ERAP1: variants seen among roughly 807,000 people sequenced by gnomAD.
The protein encoded by ERAP1 is adipocyte-derived leucine aminopeptidase.
A neutral mutation model predicts 103.7 loss-of-function variants in ERAP1; 86 were observed. The ratio of observed to expected loss-of-function variants is 0.83; its 90% CI spans 0.70 to 0.99. ERAP1 has a LOEUF of 0.99. Ranked by LOEUF, ERAP1 falls within the 50% of genes least tolerant of loss-of-function variation. The pLI, the probability that ERAP1 is intolerant of heterozygous loss-of-function variation, is 0.00. For missense variants in ERAP1, 1,009 were observed against 1,128.4 expected, an observed-to-expected ratio of 0.89 and a Z score of 1.52; for synonymous variants, 398 against 402.4, an observed-to-expected ratio of 0.99 and a Z score of 0.13.
chr5:96,907,342 C>A, the ERAP1 span, among the ~76,000 whole-genome samples: 2 of 151,918 alleles, frequency 1.3e-5, no homozygotes, highest in Non-Finnish European at 2.9e-5. Flanking sequence ...AAGAAATAGG[C>A]AACTATAAAA....
chr5:96,786,050 G>A, intron 12 of ERAP1, 79 bp from the exon 13 acceptor site: 1 of 1,369,074 alleles, frequency 7.3e-7, no homozygotes, highest in Non-Finnish European at 1.0e-6. Context: ...ATTGGGCAAG[G>A]AAATTAGAGA....
the ERAP1 span, among the ~76,000 whole-genome samples, chr5:96,931,822 TAG>T: frequency 6.6e-6 from 1 of 152,318 alleles, no homozygotes; most frequent in South Asian, 2.1e-4. Flanking sequence ...ATTGCTCATA[TAG>T]AGGACTGAAG....
the ERAP1 span, among the ~76,000 whole-genome samples, chr5:96,838,700 C>T: frequency 1.3e-5 from 2 of 152,132 alleles, no homozygotes; most frequent in Non-Finnish European, 2.9e-5. Flanking sequence ...CAGCTTAACA[C>T]CATGCAAGAA....
At chr5:96,788,797 T>G in intron 10 of ERAP1, 112 bp from the exon 11 acceptor site, 8 of 1,293,770 alleles carry the variant, frequency 6.2e-6, no homozygotes, top group Non-Finnish European at 8.7e-6. Flanking sequence ...CCTCCCCTCT[T>G]AGGAGCACTT....
chr5:96,890,920 T>C, the ERAP1 span, among the ~76,000 whole-genome samples: 2 of 152,102 alleles, frequency 1.3e-5, no homozygotes, highest in African/African-American at 4.8e-5. Flanking sequence ...AAAAATGCAG[T>C]CTTAAAGAGC....
the ERAP1 span, among the ~76,000 whole-genome samples, chr5:96,922,617 T>C: frequency 6.6e-6 from 1 of 152,166 alleles, no homozygotes; most frequent in Non-Finnish European, 1.5e-5. Flanking sequence ...AAAAGAAAGA[T>C]CTGGTTTGAA....
chr5:96,795,161 A>G lies in ERAP1; in HGVS notation c.800T>C (p.Val267Ala). ...CTTGTCTGGCACAGCATAAACAGAA[A>G]CCTAAAGAGAAAGGCACAGAAAGGA... ...VSKITKSGVK[V>A]SVYAVPDKIN... Residue 267 changes from valine to alanine, a missense_variant and splice_region_variant, in exon 5 of 19, where the codon GTT (valine) becomes GCT (alanine). This residue lies in a region of ERAP1 where 392 missense variants were observed against 455.2 expected (regional missense o/e 0.86). Transcript: ENST00000443439. 1.2e-6 allele frequency: 2 copies of G among 1,613,502 alleles called. No individual in the cohort carries two copies. Among genetic ancestry groups the G allele is most frequent in the South Asian group, 2.2e-5 (2 of 91,074 alleles).
At chr5:96,780,625 TATG>T in intron 17 of ERAP1, 121 bp from the exon 18 acceptor site, 2 of 773,168 alleles carry the variant, frequency 2.6e-6, no homozygotes, top group East Asian at 2.7e-5. Flanking sequence ...AAATACAAAA[TATG>T]ATGTCTATCC....
rs765772798 is a variant in ERAP1 at position 96,785,977 on chromosome 5, G to C, written c.1760-6C>G. 4.8e-5 allele frequency: 77 copies of C among 1,613,564 alleles called. No individual in the cohort carries two copies. In the East Asian group the frequency reaches 1.4e-3, roughly 28 times the overall value. On this transcript the variant is annotated splice_region_variant and splice_polypyrimidine_tract_variant and intron_variant, in intron 12 of 18. Transcript: ENST00000443439. The stretch of plus-strand genomic sequence containing the variant: ...TTCTGGGAGGATGAGCACATCTAGA[G>C]TAAATAAAATAAATCAAAGTTCCAT...
At chr5:96,788,950 T>C (rs1208475023) in intron 10 of ERAP1, among the ~76,000 whole-genome samples, 1 of 152,136 alleles carries the variant, frequency 6.6e-6, no homozygotes, top group African/African-American at 2.4e-5. Flanking sequence ...ACTTTGGGGC[T>C]GGCAATAACA....
intron 4 of ERAP1, among the ~76,000 whole-genome samples, 196 bp from the exon 5 acceptor site, chr5:96,795,358 G>A (rs1289395712): frequency 6.6e-6 from 1 of 152,156 alleles, no homozygotes; most frequent in Non-Finnish European, 1.5e-5. Context: ...AACAACAAAT[G>A]CTGGATAACA....
chr5:96,806,915 A>T (rs929114637), intron 1 of ERAP1, among the ~76,000 whole-genome samples: 1 of 150,206 alleles, frequency 6.7e-6, no homozygotes, highest in Non-Finnish European at 1.5e-5. Context: ...TACTTATACT[A>T]ATTAAAAATC....
chr5:96,765,117 C>A, intron 19 of ERAP1: 1 of 709,138 alleles, frequency 1.4e-6, no homozygotes, highest in Non-Finnish European at 2.5e-6. Flanking sequence ...TCTTTTTCTT[C>A]CAAGGAAACA....
chr5:96,813,575 C>T, the ERAP1 span, among the ~76,000 whole-genome samples: 1 of 142,426 alleles, frequency 7.0e-6, no homozygotes, highest in Non-Finnish European at 1.5e-5. Flanking sequence ...ATCCCTTGAA[C>T]CCAGGAGGCG....
upstream of ERAP1, among the ~76,000 whole-genome samples, chr5:96,810,339 C>T (rs1779081259): frequency 6.6e-6 from 1 of 152,128 alleles, no homozygotes; most frequent in African/African-American, 2.4e-5. Flanking sequence ...AGGAAGGGAA[C>T]AGAGAGAAAG....
intron 8 of ERAP1, 37 bp downstream of exon 8, chr5:96,792,023 GT>G (rs1776782594): frequency 6.2e-7 from 1 of 1,609,936 alleles, no homozygotes; most frequent in African/African-American, 1.3e-5. Context: ...TATAACTTTA[GT>G]ATCTAAACTG....
At chr5:96,899,706 C>A in the ERAP1 span, among the ~76,000 whole-genome samples, 1 of 152,138 alleles carries the variant, frequency 6.6e-6, no homozygotes, top group Non-Finnish European at 1.5e-5. Context: ...TGTCAAAGAA[C>A]TTGTAATATG....
chr5:96,766,479 C>G (rs550885031), intron 19 of ERAP1, among the ~76,000 whole-genome samples: 111 of 152,294 alleles, frequency 7.3e-4, no homozygotes, highest in Middle Eastern at 3.4e-3. Context: ...AGGAAGCAAT[C>G]TCTGTTTAAG....
At chr5:96,777,528 A>G (rs1473981483) in intron 18 of ERAP1, among the ~76,000 whole-genome samples, 2 of 152,204 alleles carry the variant, frequency 1.3e-5, no homozygotes, top group Non-Finnish European at 2.9e-5. Flanking sequence ...TTAAAATTAT[A>G]TGTCAATACA....
Sources: gnomAD v4.1 joint callset for allele counts (sites outside exome capture counted in the v4.1 genomes callset) on GRCh38, gnomAD v4.1.1 for gene constraint, gnomAD v4.1.1 regional missense constraint, MANE v1.5 for transcripts, NCBI Gene and HGNC (gene_info 2026-07-23, HGNC 2026-07-21) for gene names.